CCDC149: variants seen among roughly 807,000 people sequenced by gnomAD.
The protein encoded by CCDC149 is coiled-coil domain-containing protein 149.
In CCDC149, 45 loss-of-function variants were observed where a neutral mutation model predicts 59.9. That is an observed-to-expected ratio of 0.75 (90% CI 0.59 to 0.96). The LOEUF is 0.96. Among genes scored for constraint, CCDC149 ranks in the 40% least tolerant of loss-of-function variants. The pLI is 0.00. For synonymous variants in CCDC149, 245 were observed against 260.6 expected (o/e 0.94, Z 0.58); for missense variants, 584 against 664.7 (o/e 0.88, Z 1.33).
intron 1 of CCDC149, among the ~76,000 whole-genome samples, chr4:24,967,035 T>G (rs1723822392): frequency 6.6e-6 from 1 of 152,132 alleles, no homozygotes; most frequent in African/African-American, 2.4e-5. Context: ...GGACGGTCAG[T>G]GAAAGTGAAA....
rs532892979 is a variant in CCDC149, at chr4:24,877,231, G to C, written c.64-534C>G. 4.6e-5 allele frequency among the ~76,000 whole-genome samples: 7 copies of C among 152,190 alleles called. No homozygotes were observed. In the South Asian group the frequency reaches 1.5e-3, roughly 32 times the overall value. ...GACGGAGTCTTGCTCTGTCATCCAG[G>C]CTGGAGTGCAGTGATGTGATCTCGG... On this transcript the variant is annotated intron_variant, in intron 1 of 12. Coordinates refer to ENST00000635206, the MANE Select transcript of CCDC149 (RefSeq NM_001330643.2).
chr4:24,813,518 ATATATATAT>A (rs1560197697), intron 12 of CCDC149, among the ~76,000 whole-genome samples: 164 of 137,438 alleles, frequency 1.2e-3, no homozygotes, highest in African/African-American at 2.7e-3. Context: ...ATATATATAT[ATATATATAT>A]AAAACCTAAA....
intron 8 of CCDC149, 140 bp downstream of exon 8, chr4:24,834,808 C>A (rs1716386600): frequency 1.9e-6 from 1 of 529,916 alleles, no homozygotes; most frequent in Non-Finnish European, 3.3e-6. Flanking sequence ...AACTCTGATG[C>A]ACGTGGAAGT....
chr4:24,931,837 A>ATGTG (rs751115199), intron 1 of CCDC149, among the ~76,000 whole-genome samples: 1 of 100,602 alleles, frequency 9.9e-6, no homozygotes, highest in South Asian at 3.4e-4. Context: ...ATGTATATAT[A>ATGTG]TATATATATA....
chr4:24,853,197 T>G lies in CCDC149; in HGVS notation c.265-18A>C. 1 of 1,539,526 alleles carries G rather than the reference T, an allele frequency of 6.5e-7. No homozygotes were observed. The highest frequency in any genetic ancestry group is 9.0e-7 in the Non-Finnish European group (1 of 1,112,958). ...AGATTAGCCTAGAAATATCAACACA[T>G]TATGAAATACAATCAGAAATGGAGG... On this transcript the variant is annotated intron_variant, in intron 3 of 12. Transcript: ENST00000635206.
At chr4:24,968,316 G>A (rs149477587) in intron 1 of CCDC149, among the ~76,000 whole-genome samples, 2 of 152,240 alleles carry the variant, frequency 1.3e-5, no homozygotes, top group African/African-American at 4.8e-5. Flanking sequence ...CTTGAGGCTT[G>A]TGAGAGTGTG....
chr4:24,924,862 G>A (rs1722393311), intron 1 of CCDC149, among the ~76,000 whole-genome samples: 1 of 152,144 alleles, frequency 6.6e-6, no homozygotes, highest in African/African-American at 2.4e-5. Context: ...AGAAGCTTGT[G>A]GGATGGAAGA....
intron 1 of CCDC149, among the ~76,000 whole-genome samples, chr4:24,894,505 C>T (rs1720730003): frequency 6.6e-6 from 1 of 152,048 alleles, no homozygotes; most frequent in African/African-American, 2.4e-5. Context: ...GGTGTCTTCA[C>T]AAATTCCAGC....
chr4:24,911,019 T>C (rs1360500950), intron 1 of CCDC149, among the ~76,000 whole-genome samples: 1 of 152,124 alleles, frequency 6.6e-6, no homozygotes, highest in Non-Finnish European at 1.5e-5. Context: ...TAAGGAGGTA[T>C]TACTCTGGAG....
chr4:24,812,323 G>T (rs1389325551), intron 12 of CCDC149, among the ~76,000 whole-genome samples: 1 of 152,150 alleles, frequency 6.6e-6, no homozygotes, highest in African/African-American at 2.4e-5. Flanking sequence ...ACTTCCCCCA[G>T]TGATCTGCCA....
At chr4:24,977,817 TAGTAACAAGGTATGCTATA>T (rs1437112706) in intron 1 of CCDC149, among the ~76,000 whole-genome samples, 1 of 152,182 alleles carries the variant, frequency 6.6e-6, no homozygotes, top group Non-Finnish European at 1.5e-5. Flanking sequence ...AATACACACA[TAGTAACAAGGTATGCTATA>T]AATCTATGCT....
At chr4:24,905,371 C>A (rs1721419480) in intron 1 of CCDC149, among the ~76,000 whole-genome samples, 1 of 150,834 alleles carries the variant, frequency 6.6e-6, no homozygotes, top group South Asian at 2.1e-4. Context: ...GATAACTTAT[C>A]TTTTTCATGT....
intron 1 of CCDC149, chr4:24,894,976 C>A (rs1301753370): frequency 3.9e-6 from 6 of 1,536,086 alleles, no homozygotes; most frequent in South Asian, 1.2e-5. Flanking sequence ...CCCATGCAGG[C>A]ATGGTTTGTC....
chr4:24,885,822 A>C (rs1460365353), intron 1 of CCDC149, among the ~76,000 whole-genome samples: 1 of 152,220 alleles, frequency 6.6e-6, no homozygotes, highest in East Asian at 1.9e-4. Context: ...TGTTTTCAGA[A>C]GAGGGGACAG....
At chr4:24,811,190 C>T (rs1014891803) in intron 12 of CCDC149, among the ~76,000 whole-genome samples, 4 of 152,172 alleles carry the variant, frequency 2.6e-5, no homozygotes, top group Non-Finnish European at 4.4e-5. Context: ...TTAACATGTG[C>T]TGTATTCCTA....
intron 1 of CCDC149, among the ~76,000 whole-genome samples, chr4:24,887,994 G>C (rs915111694): frequency 1.3e-5 from 2 of 151,974 alleles, no homozygotes; most frequent in Non-Finnish European, 2.9e-5. Context: ...ACACTGTCCT[G>C]CACCCTGCTC....
At chr4:24,835,715 G>A (rs1716470901) in intron 7 of CCDC149, among the ~76,000 whole-genome samples, 1 of 152,146 alleles carries the variant, frequency 6.6e-6, no homozygotes, top group Admixed American at 6.6e-5. Context: ...TGGAAAGGAA[G>A]AACAGCACGG....
intron 1 of CCDC149, among the ~76,000 whole-genome samples, chr4:24,930,950 C>T (rs1236980052): frequency 1.3e-5 from 2 of 152,096 alleles, no homozygotes; most frequent in Admixed American, 1.3e-4. Context: ...TCTTGCTCTT[C>T]AAAGGATTCT....
At chr4:24,810,855 T>G (rs1213069442) in intron 12 of CCDC149, among the ~76,000 whole-genome samples, 2 of 152,206 alleles carry the variant, frequency 1.3e-5, no homozygotes, top group African/African-American at 4.8e-5. Flanking sequence ...TTGAGAAGGA[T>G]GCAGGGAAAC....
Sources: gnomAD v4.1 joint callset for allele counts (sites outside exome capture counted in the v4.1 genomes callset) on GRCh38, gnomAD v4.1.1 for gene constraint, MANE v1.5 for transcripts, NCBI Gene and HGNC (gene_info 2026-07-23, HGNC 2026-07-21) for gene names.